Variants in QPRT observed in about 807,000 individuals in gnomAD.
QPRT encodes the protein quinolinate phosphoribosyltransferase, also known as nicotinate-nucleotide pyrophosphorylase [carboxylating].
A neutral mutation model predicts 19.8 loss-of-function variants in QPRT; 17 were observed. The ratio of observed to expected loss-of-function variants is 0.86; its 90% CI spans 0.59 to 1.29. QPRT has a LOEUF of 1.29. QPRT is among the 50% of genes most tolerant of loss of function. QPRT has a pLI of 0.00. For missense variants in QPRT, 336 were observed against 405.1 expected (o/e 0.83, Z 1.46); for synonymous variants, 178 against 191.0 (o/e 0.93, Z 0.56).
At chr16:29,679,098 TG>T (rs768444967), upstream of QPRT, 97 of 1,608,308 alleles carry the variant, frequency 6.0e-5, no homozygotes, top group Middle Eastern at 5.0e-4. Context: ...GACAGCTTGA[TG>T]GGCCCTCCCT....
rs1284999325 is a variant in QPRT at position 29,695,196 on chromosome 16, G to A, written c.546G>A (p.Glu182=). The change falls in exon 2 of 4, where the codon GAG becomes GAA. Residue 182 remains glutamate (E), a synonymous_variant. Transcript: ENST00000395384. ...DNHVVAAGGV[E]KAVRAARQAA... ...ATGTGGTGGCCGCCGGTGGCGTGGA[G>A]AAGGTGCTGGTCCTGCCTGTCCCTG... 5 of 1,540,626 alleles carry A rather than the reference G, an allele frequency of 3.2e-6. No homozygotes were observed. The highest frequency in any genetic ancestry group is 4.4e-6 in the Non-Finnish European group (5 of 1,141,586).
In QPRT at chr16:29,697,143, C is replaced by A; in HGVS notation, c.681+16C>A. 1 of 1,599,158 alleles carries A rather than the reference C, an allele frequency of 6.3e-7. No individual in the cohort carries two copies. The highest frequency in any genetic ancestry group is 8.6e-7 in the Non-Finnish European group (1 of 1,169,176). ...CAAGCCAGAGGTAAGGTGGGCTCTG[C>A]CTCCGGGGAGGGATCTGTGGTGGGC... On this transcript the variant is annotated intron_variant, in intron 3 of 3. Transcript: ENST00000395384. This position sits in a 1 kb window ranked among gnomAD's most constrained non-coding sequence, Gnocchi z 4.4.
At chr16:29,681,059 C>T (rs756127296) in intron 1 of QPRT, among the ~76,000 whole-genome samples, 5 of 151,566 alleles carry the variant, frequency 3.3e-5, no homozygotes, top group East Asian at 3.9e-4. Flanking sequence ...CCCATACACC[C>T]GGTCCCTCTG....
At chr16:29,689,146 T>G (rs1192905885) in intron 1 of QPRT, among the ~76,000 whole-genome samples, 1 of 137,670 alleles carries the variant, frequency 7.3e-6, no homozygotes, top group Non-Finnish European at 1.6e-5. Context: ...CCAGGATGGA[T>G]TGCAATGGCG....
At chr16:29,682,876 G>C (rs888048723) in intron 1 of QPRT, among the ~76,000 whole-genome samples, 1 of 151,974 alleles carries the variant, frequency 6.6e-6, no homozygotes, top group African/African-American at 2.4e-5. Context: ...CTTTGTGATT[G>C]GTTAGTATGT....
intron 1 of QPRT, among the ~76,000 whole-genome samples, chr16:29,692,104 C>CG (rs1341177396): frequency 1.3e-5 from 2 of 152,138 alleles, no homozygotes; most frequent in African/African-American, 2.4e-5. Context: ...CCACGGATGG[C>CG]GGGGGTCCAT....
chr16:29,697,473 G>C lies in QPRT; in HGVS notation c.*62G>C, dbSNP rs1373305358. ...AACGTGGCTCCTCAGGACCCTCTGG[G>C]TCACACATCTTTAGGGTCAGTGGCC... On this transcript the variant is annotated 3_prime_UTR_variant, in exon 4 of 4. Transcript: ENST00000395384. The surrounding 1 kb of genome is among the most constrained non-coding windows in gnomAD (Gnocchi z 4.4). The C allele has an allele frequency of 1.3e-6, 2 of 1,511,140 alleles. No individual in the cohort carries two copies. Among genetic ancestry groups the C allele is most frequent in the Admixed American group, 3.6e-5 (2 of 55,380 alleles). 93.6% of individuals were successfully genotyped at this position (1,511,140 alleles called of 1,614,324 possible).
intron 1 of QPRT, among the ~76,000 whole-genome samples, chr16:29,688,730 G>T (rs1006689210): frequency 1.3e-5 from 2 of 151,436 alleles, no homozygotes; most frequent in Non-Finnish European, 2.9e-5. Context: ...ATGTTGGACA[G>T]GCTGGTCTTG....
At chr16:29,679,954 A>T (rs1478108577) in intron 1 of QPRT, among the ~76,000 whole-genome samples, 1 of 149,940 alleles carries the variant, frequency 6.7e-6, no homozygotes, top group Admixed American at 6.6e-5. Flanking sequence ...AACTACTAAG[A>T]TAATCTTTTT....
At chr16:29,687,624 GT>G (rs1156501133) in intron 1 of QPRT, among the ~76,000 whole-genome samples, 4 of 152,134 alleles carry the variant, frequency 2.6e-5, no homozygotes, top group African/African-American at 9.7e-5. Flanking sequence ...GCACATGCCT[GT>G]AATCCCAGCT....
intron 1 of QPRT, among the ~76,000 whole-genome samples, chr16:29,693,773 G>C (rs1434821797): frequency 6.6e-6 from 1 of 150,958 alleles, no homozygotes; most frequent in Non-Finnish European, 1.5e-5. Context: ...TTTTAGTAGA[G>C]ACAGGAGGGT....
intron 2 of QPRT, among the ~76,000 whole-genome samples, chr16:29,695,564 A>G (rs558039086): frequency 2.8e-4 from 38 of 136,562 alleles, no homozygotes; most frequent in Non-Finnish European, 5.1e-4. Flanking sequence ...ATCTCGGCTC[A>G]CTGGAACCTC....
intron 1 of QPRT, among the ~76,000 whole-genome samples, chr16:29,684,494 C>G (rs1374625607): frequency 6.6e-6 from 1 of 151,994 alleles, no homozygotes; most frequent in African/African-American, 2.4e-5. Context: ...CGGGGTTTTG[C>G]TATGTTGGCC....
intron 1 of QPRT, among the ~76,000 whole-genome samples, chr16:29,682,579 C>T (rs1284878188): frequency 1.3e-5 from 2 of 151,576 alleles, no homozygotes; most frequent in Non-Finnish European, 2.9e-5. Context: ...TGGGTTTTGC[C>T]GTGCTGGCCA....
Position 29,697,328 on chromosome 16 carries a change from A to G in QPRT, c.811A>G (p.Met271Val). ...GPHIDVISMG[M>V]LTQAAPALDF... is the part of the protein sequence containing the mutation. ...GCACATAGACGTCATCTCCATGGGG[A>G]TGCTGACCCAGGCGGCCCCAGCCCT... is the stretch of plus-strand genomic sequence containing the variant. The change falls in exon 4 of 4, where the codon ATG becomes GTG. Residue 271 changes from methionine (M) to valine (V), a missense_variant. Transcript: ENST00000395384. The surrounding 1 kb of genome is among the most constrained non-coding windows in gnomAD (Gnocchi z 4.4). 7 of 1,614,094 alleles carry G rather than the reference A, an allele frequency of 4.3e-6. No individual in the cohort carries two copies. Among genetic ancestry groups the G allele is most frequent in the Non-Finnish European group, 5.9e-6 (7 of 1,179,980 alleles).
At chr16:29,685,332 A>T (rs1967130323) in intron 1 of QPRT, among the ~76,000 whole-genome samples, 1 of 152,012 alleles carries the variant, frequency 6.6e-6, no homozygotes, top group Non-Finnish European at 1.5e-5. Context: ...TTAGCCAGGG[A>T]TGATGCTGCA....
chr16:29,688,308 T>C (rs1246400772), intron 1 of QPRT, among the ~76,000 whole-genome samples: 1 of 151,746 alleles, frequency 6.6e-6, no homozygotes, highest in African/African-American at 2.4e-5. Flanking sequence ...GAGTGGAGAA[T>C]GAGGACCCCC....
intron 1 of QPRT, among the ~76,000 whole-genome samples, chr16:29,690,544 C>G (rs1170017705): frequency 8.1e-6 from 1 of 124,146 alleles, no homozygotes; most frequent in Non-Finnish European, 1.8e-5. Context: ...CTCCCACTCC[C>G]CAGGCAATGC....
upstream of QPRT, chr16:29,679,052 A>G (rs767954069): frequency 3.5e-6 from 5 of 1,432,168 alleles, no homozygotes; most frequent in African/African-American, 4.2e-5. Context: ...GGCAGAGGAC[A>G]GGAGGGAGGC....
Sources: allele counts gnomAD v4.1 joint callset (sites outside exome capture counted in the v4.1 genomes callset), GRCh38; gene constraint gnomAD v4.1.1; non-coding constraint Gnocchi (gnomAD v3.1); transcripts MANE v1.5; gene names NCBI Gene and HGNC (gene_info 2026-07-23, HGNC 2026-07-21).